Variants in HEXB observed in about 807,000 individuals in gnomAD.
HEXB encodes hexosaminidase subunit beta, also known as beta-hexosaminidase subunit beta.
Under a neutral mutation model 71.2 loss-of-function variants are expected in HEXB, and 51 were observed. That is an observed-to-expected ratio of 0.72 (90% CI 0.57 to 0.90). The LOEUF (loss-of-function observed/expected upper bound fraction) is 0.90, where lower values mean the gene tolerates loss of function less well. Ranked by LOEUF, HEXB falls within the 40% of genes least tolerant of loss-of-function variation. HEXB has a pLI of 0.00. For synonymous variants in HEXB, 266 were observed against 249.3 expected, an observed-to-expected ratio of 1.07 and a Z score of -0.63; for missense variants, 617 against 677.0, an observed-to-expected ratio of 0.91 and a Z score of 0.98.
chr5:74,666,350 CA>C (rs35304248), intron 1 of HEXB, among the ~76,000 whole-genome samples: 40,093 of 152,156 alleles, frequency 0.26, 5,442 homozygotes, highest in Non-Finnish European at 0.29. Flanking sequence ...ATTTCACATG[CA>C]AATGTGTATG....
At chr5:74,696,121 A>C (rs1196773307) in intron 3 of HEXB, among the ~76,000 whole-genome samples, 1 of 152,242 alleles carries the variant, frequency 6.6e-6, no homozygotes, top group Non-Finnish European at 1.5e-5. Context: ...AGCTAGAATG[A>C]GGAATCTGAA....
At chr5:74,679,273 T>G (rs1748693040) in intron 1 of HEXB, among the ~76,000 whole-genome samples, 1 of 152,188 alleles carries the variant, frequency 6.6e-6, no homozygotes, top group Admixed American at 6.5e-5. Flanking sequence ...GAAAAGGCTT[T>G]TAGTAGAGGT....
chr5:74,690,819 G>GA (rs1744005457), intron 2 of HEXB, among the ~76,000 whole-genome samples: 1 of 151,328 alleles, frequency 6.6e-6, no homozygotes, highest in South Asian at 2.1e-4. Context: ...ACATCTCTTT[G>GA]AAAAAAAGCT....
At position 74,715,541 on chromosome 5, in the gene HEXB, T is replaced by G; in HGVS notation, c.933T>G (p.Ser311Arg). 1 of 1,612,300 alleles carries G rather than the reference T, an allele frequency of 6.2e-7. No homozygotes were observed. Among genetic ancestry groups the G allele is most frequent in the Non-Finnish European group, 8.5e-7 (1 of 1,178,392 alleles). ...GQKDLLTPCY[S>R]RQNKLDSFGP... Reference sequence around the variant, plus strand: ...AAGACCTCCTGACTCCATGTTACAGTAGACAAAACAAGTTGGACTCTTTTG... The same window carrying G: ...AAGACCTCCTGACTCCATGTTACAGGAGACAAAACAAGTTGGACTCTTTTG... Residue 311 changes from serine (S) to arginine (R), a missense_variant, in exon 8 of 14, where the codon AGT (serine) becomes AGG (arginine). By Grantham distance (110) the Ser-to-Arg change is moderately radical. Transcript: ENST00000261416.
intron 1 of HEXB, among the ~76,000 whole-genome samples, chr5:74,670,709 T>C (rs1748518430): frequency 6.6e-6 from 1 of 152,180 alleles, no homozygotes; most frequent in Non-Finnish European, 1.5e-5. Context: ...CTCTGGGACT[T>C]TGGGGTCATG....
In HEXB at chr5:74,703,734, C is replaced by T. The variant is rs148292216; in HGVS notation, c.670-1485C>T. ...AGGCTGGAGTGCAGAGGTATGAGCTCAGCTTACTGCAGTCTCAACCTCCCA... is the reference window on the plus strand; with the variant it reads ...AGGCTGGAGTGCAGAGGTATGAGCTTAGCTTACTGCAGTCTCAACCTCCCA... On this transcript the variant is annotated intron_variant, in intron 5 of 13. Transcript: ENST00000261416. 2.3e-3 allele frequency among the ~76,000 whole-genome samples: 347 copies of T among 152,288 alleles called. 2 individuals carry two copies. Among genetic ancestry groups the T allele is most frequent in the Non-Finnish European group, 3.9e-3 (265 of 68,022 alleles).
At chr5:74,721,054 A>C (rs181913795) in intron 13 of HEXB, 64 bp from the exon 14 acceptor site, 2 of 1,275,328 alleles carry the variant, frequency 1.6e-6, no homozygotes, top group Admixed American at 1.7e-5. Context: ...ATCAATCTAA[A>C]ATATCTTTAT....
intron 1 of HEXB, among the ~76,000 whole-genome samples, chr5:74,667,938 T>G (rs546462491): frequency 6.6e-6 from 1 of 152,224 alleles, no homozygotes; most frequent in Admixed American, 6.5e-5. Flanking sequence ...TATATTAACA[T>G]AAATTACCAC....
intron 6 of HEXB, chr5:74,705,728 G>A (rs573269348): frequency 5.6e-4 from 135 of 242,696 alleles, no homozygotes; most frequent in South Asian, 1.4e-3. Context: ...AATTTTAGAG[G>A]TGAGAGTGTT....
Position 74,715,670 on chromosome 5 carries a change from T to C in HEXB, c.1062T>C (p.Asp354=), listed in dbSNP as rs1749653155. Residue 354 remains aspartate, a synonymous_variant, in exon 8 of 14, where the codon GAT becomes GAC. Transcript: ENST00000261416. ...FPDQFIHLGG[D]EVEFKCWESN... is the part of the protein sequence containing the mutation. ...ATCAATTCATTCATTTGGGAGGAGA[T>C]GAAGTGGAATTTAAATGTTGGTAAG... The C allele has an allele frequency of 1.2e-6, 2 of 1,606,498 alleles. No homozygotes were observed. Among genetic ancestry groups the C allele is most frequent in the Non-Finnish European group, 1.7e-6 (2 of 1,174,292 alleles).
Position 74,685,404 on chromosome 5 carries a change from C to G in HEXB, c.144C>G (p.Val48=). Residue 48 remains valine, a synonymous_variant, in exon 1 of 14, where the codon GTC becomes GTG. Transcript: ENST00000261416. ...QVAEAARAPS[V]SAKPGPALWP... The stretch of plus-strand genomic sequence containing the variant: ...CGGAGGCGGCTCGGGCCCCGAGCGT[C>G]TCGGCCAAGCCGGGGCCGGCGCTGT... The G allele has an allele frequency of 6.3e-7, 1 of 1,596,634 alleles. No homozygotes were observed. The highest frequency in any genetic ancestry group is 2.3e-5 in the East Asian group (1 of 43,194).
intron 9 of HEXB, 67 bp from the exon 10 acceptor site, chr5:74,718,224 T>G (rs1376628081): frequency 9.3e-7 from 1 of 1,072,470 alleles, no homozygotes; most frequent in Non-Finnish European, 1.4e-6. Flanking sequence ...TGGTAGAAAA[T>G]GTACATGTTT....
At chr5:74,665,619 G>A (rs2112095157) in intron 1 of HEXB, among the ~76,000 whole-genome samples, 1 of 152,330 alleles carries the variant, frequency 6.6e-6, no homozygotes, top group East Asian at 1.9e-4. Flanking sequence ...CTGGGAAGAA[G>A]TGAATAGCAA....
At chr5:74,682,226 C>CG (rs1748751368), upstream of HEXB, among the ~76,000 whole-genome samples, 1 of 152,160 alleles carries the variant, frequency 6.6e-6, no homozygotes, top group South Asian at 2.1e-4. Context: ...GGCGTGGTGG[C>CG]GGGCGCCTGT....
intron 13 of HEXB, 114 bp downstream of exon 13, chr5:74,720,861 G>A: frequency 1.1e-6 from 1 of 921,500 alleles, no homozygotes; most frequent in Non-Finnish European, 1.7e-6. Flanking sequence ...AAGAAACCAG[G>A]AATTATTTTT....
At chr5:74,703,064 T>A (rs1474855076) in intron 5 of HEXB, among the ~76,000 whole-genome samples, 1 of 152,170 alleles carries the variant, frequency 6.6e-6, no homozygotes, top group East Asian at 1.9e-4. Context: ...GCGATTCTCC[T>A]GCCTCAGCCT....
intron 8 of HEXB, among the ~76,000 whole-genome samples, chr5:74,716,249 A>T (rs1251533555): frequency 6.6e-6 from 1 of 152,112 alleles, no homozygotes; most frequent in African/African-American, 2.4e-5. Context: ...TCAAAAAAAG[A>T]CTACTGTGAA....
intron 6 of HEXB, among the ~76,000 whole-genome samples, chr5:74,711,812 A>G (rs1402226983): frequency 2.6e-5 from 4 of 152,068 alleles, no homozygotes; most frequent in Admixed American, 6.6e-5. Flanking sequence ...GTGGAGAAAT[A>G]GGAACACTTT....
intron 1 of HEXB, among the ~76,000 whole-genome samples, chr5:74,676,940 G>A (rs1307191013): frequency 6.6e-6 from 1 of 152,154 alleles, no homozygotes; most frequent in Non-Finnish European, 1.5e-5. Flanking sequence ...AGGCTGGAGT[G>A]CAGTGGCGGG....
Sources: allele counts gnomAD v4.1 joint callset (sites outside exome capture counted in the v4.1 genomes callset), GRCh38; gene constraint gnomAD v4.1.1; transcripts MANE v1.5; gene names NCBI Gene and HGNC (gene_info 2026-07-23, HGNC 2026-07-21).